Variants in SMDT1 observed in about 807,000 individuals in gnomAD.
SMDT1 encodes essential MCU regulator, mitochondrial.
A neutral mutation model predicts 5.9 loss-of-function variants in SMDT1; 6 were observed. The observed-to-expected ratio is 1.03, with a 90% CI of 0.56 to 2.02. The LOEUF is 2.02. Ranked by LOEUF, SMDT1 falls within the 30% of genes most tolerant of loss-of-function variation. SMDT1 has a pLI of 0.00. For missense variants in SMDT1, 159 were observed against 145.6 expected, an observed-to-expected ratio of 1.09 and a Z score of -0.47; for synonymous variants, 81 against 62.4, an observed-to-expected ratio of 1.30 and a Z score of -1.40.
rs1029083638 is a variant in SMDT1, at chr22:42,084,006, T to C, written c.*891T>C. 3 of 152,194 alleles carry C rather than the reference T, an allele frequency of 2.0e-5. No individual in the cohort carries two copies. Among genetic ancestry groups the C allele is most frequent in the Non-Finnish European group, 4.4e-5 (3 of 68,046 alleles). The allele number at this position is 152,194 out of a possible 1,614,324, so 9.4% of individuals were successfully genotyped here. A position where few individuals can be genotyped will look rare whatever the true frequency, so the allele number is the denominator to read the frequency against. ...GAGAGGAAGAAATGTAGACAGGCCT[T>C]GTTGGACTTCCCCACTCCATCTGTA... On this transcript the variant is annotated 3_prime_UTR_variant, in exon 3 of 3. Transcript: ENST00000331479.
chr22:42,080,303 T>C (rs118142571), intron 1 of SMDT1, among the ~76,000 whole-genome samples: 15 of 152,174 alleles, frequency 9.9e-5, no homozygotes, highest in Non-Finnish European at 2.9e-5. Context: ...TGGGATGAAA[T>C]ATGAATTTTG....
At chr22:42,081,604 G>A (rs1927788575) in intron 1 of SMDT1, among the ~76,000 whole-genome samples, 1 of 151,790 alleles carries the variant, frequency 6.6e-6, no homozygotes, top group Non-Finnish European at 1.5e-5. Context: ...GGGATTACAG[G>A]TGCGCACCAC....
rs1045896413 is a variant in SMDT1 at position 42,083,171 on chromosome 22, T to G, written c.*56T>G. ...TGAAGAAATGGTGATGCTCTCAGTTTCTCTGCCTTCCCTATCAGCAGAAAG... is the reference window on the plus strand; with the variant it reads ...TGAAGAAATGGTGATGCTCTCAGTTGCTCTGCCTTCCCTATCAGCAGAAAG... On this transcript the variant is annotated 3_prime_UTR_variant, in exon 3 of 3. Coordinates refer to ENST00000331479, the MANE Select transcript of SMDT1 (RefSeq NM_033318.5). 6.6e-6 allele frequency: 1 copy of G among 152,598 alleles called. No homozygotes were observed. Among genetic ancestry groups the G allele is most frequent in the Admixed American group, 6.5e-5 (1 of 15,274 alleles). The allele number at this position is 152,598 out of a possible 1,614,324, so 9.5% of individuals were successfully genotyped here.
rs1375133989 is a variant in SMDT1 at position 42,083,311 on chromosome 22, CACAA to C, written c.*201_*204del. 105 of 152,700 alleles carry C rather than the reference CACAA, an allele frequency of 6.9e-4. No individual in the cohort carries two copies. The highest frequency in any genetic ancestry group is 4.6e-4 in the Non-Finnish European group (31 of 68,034). 9.5% of individuals were successfully genotyped at this position (152,700 alleles called of 1,614,324 possible). Reference sequence around the variant, plus strand: ...GAGATGTGCTGTCCACTAAGCACTGCACAAACAAGCAATCAAATTATGAATAAAC... The same window carrying C: ...GAGATGTGCTGTCCACTAAGCACTGCACAAGCAATCAAATTATGAATAAAC... On this transcript the variant is annotated 3_prime_UTR_variant, in exon 3 of 3. Coordinates refer to ENST00000331479, the MANE Select transcript of SMDT1 (RefSeq NM_033318.5).
chr22:42,080,673 C>A (rs554132118), intron 1 of SMDT1, among the ~76,000 whole-genome samples: 1 of 152,280 alleles, frequency 6.6e-6, no homozygotes, highest in Admixed American at 6.5e-5. Flanking sequence ...AAAACAAATT[C>A]TCTTAAAGCT....
chr22:42,079,767 G>A lies in SMDT1; in HGVS notation c.-2G>A, dbSNP rs747295100. ...GCCCGGGTGAGGGGCGGAGCTGGGG[G>A]CATGGCGTCCGGAGCGGCTCGCTGG... is the stretch of plus-strand genomic sequence containing the variant. On this transcript the variant is annotated 5_prime_UTR_variant, in exon 1 of 3. Transcript: ENST00000331479. 1.2e-6 allele frequency: 2 copies of A among 1,604,782 alleles called. No homozygotes were observed. Among genetic ancestry groups the A allele is most frequent in the Non-Finnish European group, 1.7e-6 (2 of 1,177,808 alleles).
chr22:42,081,783 T>A, intron 1 of SMDT1, 142 bp from the exon 2 acceptor site: 1 of 958,340 alleles, frequency 1.0e-6, no homozygotes, highest in Non-Finnish European at 1.5e-6. Flanking sequence ...TAATTACTTT[T>A]CTTGCCCTGA....
chr22:42,081,974 A>T lies in SMDT1; in HGVS notation c.236A>T (p.Tyr79Phe). 1 of 1,613,962 alleles carries T rather than the reference A, an allele frequency of 6.2e-7. No homozygotes were observed. The change falls in exon 2 of 3, where the codon TAT becomes TTT. Residue 79 changes from tyrosine to phenylalanine, a missense_variant. Transcript: ENST00000331479. ...RVFSIVIPFL[Y>F]VGTLISKNFA... is the part of the protein sequence containing the mutation. The stretch of plus-strand genomic sequence containing the variant: ...TTCTCCATTGTGATCCCCTTTCTCT[A>T]TGTCGGGACACTCATTAGCAAGAAC...
chr22:42,081,327 G>C (rs777080300), intron 1 of SMDT1, among the ~76,000 whole-genome samples: 1 of 151,910 alleles, frequency 6.6e-6, no homozygotes, highest in Non-Finnish European at 1.5e-5. Context: ...CACCACACCC[G>C]GCTAATTTTT....
intron 1 of SMDT1, among the ~76,000 whole-genome samples, chr22:42,080,305 T>C (rs548877441): frequency 2.0e-5 from 3 of 152,288 alleles, no homozygotes; most frequent in East Asian, 1.9e-4. Context: ...GGATGAAATA[T>C]GAATTTTGAA....
rs1927590058 is a variant in SMDT1 at position 42,079,706 on chromosome 22, G to A, written c.-63G>A. 3 of 1,527,066 alleles carry A rather than the reference G, an allele frequency of 2.0e-6. No individual in the cohort carries two copies. Among genetic ancestry groups the A allele is most frequent in the African/African-American group, 1.4e-5 (1 of 72,860 alleles). 94.6% of individuals were successfully genotyped at this position (1,527,066 alleles called of 1,614,324 possible). On this transcript the variant is annotated 5_prime_UTR_variant, in exon 1 of 3. Coordinates refer to ENST00000331479, the MANE Select transcript of SMDT1 (RefSeq NM_033318.5). ...CGAGGCTTCGGGCGGCTTTCTTCCC[G>A]AGGGCGGCACGAGGGCTGGGCGGTG... is the stretch of plus-strand genomic sequence containing the variant.
At chr22:42,082,460 C>T (rs1927861382) in intron 2 of SMDT1, among the ~76,000 whole-genome samples, 1 of 152,208 alleles carries the variant, frequency 6.6e-6, no homozygotes, top group African/African-American at 2.4e-5. Context: ...CTTGGCCTCC[C>T]AAAGTGCTGT....
chr22:42,079,773 C>T lies in SMDT1; in HGVS notation c.5C>T (p.Ala2Val). Reference protein sequence around the residue: MASGAARWLVLA... With the variant: MVSGAARWLVLA... ...GTGAGGGGCGGAGCTGGGGGCATGGCGTCCGGAGCGGCTCGCTGGCTAGTA... is the reference window on the plus strand; with the variant it reads ...GTGAGGGGCGGAGCTGGGGGCATGGTGTCCGGAGCGGCTCGCTGGCTAGTA... The change falls in exon 1 of 3, where the codon GCG becomes GTG. Residue 2 changes from alanine to valine, a missense_variant. Coordinates refer to ENST00000331479, the MANE Select transcript of SMDT1 (RefSeq NM_033318.5). The T allele has an allele frequency of 2.5e-6, 4 of 1,605,866 alleles. No individual in the cohort carries two copies. Among genetic ancestry groups the T allele is most frequent in the Non-Finnish European group, 3.4e-6 (4 of 1,177,890 alleles).
intron 2 of SMDT1, 140 bp from the exon 3 acceptor site, chr22:42,082,979 A>G (rs1927897978): frequency 6.6e-6 from 1 of 152,228 alleles, no homozygotes; most frequent in Admixed American, 6.5e-5. Flanking sequence ...TGCCCAGTTA[A>G]CGTGCGCATG....
chr22:42,083,584 C>G lies in SMDT1; in HGVS notation c.*469C>G, dbSNP rs1193346127. ...AGAAAGCTTCATGGGCTAACTAAAG[C>G]CTCATGCCATTCTGTGTTCAGTGCC... On this transcript the variant is annotated 3_prime_UTR_variant, in exon 3 of 3. Coordinates refer to ENST00000331479, the MANE Select transcript of SMDT1 (RefSeq NM_033318.5). The G allele has an allele frequency of 1.3e-5, 2 of 152,168 alleles. No individual in the cohort carries two copies. Among genetic ancestry groups the G allele is most frequent in the African/African-American group, 4.8e-5 (2 of 41,442 alleles). The allele number at this position is 152,168 out of a possible 1,614,324, so 9.4% of individuals were successfully genotyped here.
At chr22:42,080,036 G>T in intron 1 of SMDT1, 82 bp downstream of exon 1, 1 of 1,406,132 alleles carries the variant, frequency 7.1e-7, no homozygotes. Context: ...TGATTGATAG[G>T]AGCCAAGGCC....
chr22:42,079,935 T>C lies in SMDT1; in HGVS notation c.167T>C (p.Ile56Thr). ...RSVIVTRSGA[I>T]LPKPVKMSFG... ...GTCATCGTTACCCGCAGCGGCGCCATTTTGCCCAAACCGGTGAAAGTGAGT... is the reference window on the plus strand; with the variant it reads ...GTCATCGTTACCCGCAGCGGCGCCACTTTGCCCAAACCGGTGAAAGTGAGT... The change falls in exon 1 of 3, where the codon ATT becomes ACT. Residue 56 changes from isoleucine to threonine, a missense_variant. Physicochemically the swap from Ile to Thr is moderately conservative, Grantham distance 89. Coordinates refer to ENST00000331479, the MANE Select transcript of SMDT1 (RefSeq NM_033318.5). 1.2e-6 allele frequency: 2 copies of C among 1,612,456 alleles called. No homozygotes were observed. The highest frequency in any genetic ancestry group is 1.7e-6 in the Non-Finnish European group (2 of 1,179,010).
At position 42,081,924 on chromosome 22, in the gene SMDT1, G is replaced by C. The variant is rs142612046; in HGVS notation, c.187-1G>C. ...ACAGCTGCCACTCTGACCCTCTGCAGATGTCCTTCGGCCTTCTCCGTGTGT... is the reference window on the plus strand; with the variant it reads ...ACAGCTGCCACTCTGACCCTCTGCACATGTCCTTCGGCCTTCTCCGTGTGT... On this transcript the variant is annotated splice_acceptor_variant, in intron 1 of 2. Coordinates refer to ENST00000331479, the MANE Select transcript of SMDT1 (RefSeq NM_033318.5). LOFTEE classifies it high-confidence loss of function. The C allele has an allele frequency of 6.2e-6, 10 of 1,613,960 alleles. No homozygotes were observed. The highest frequency in any genetic ancestry group is 8.5e-6 in the Non-Finnish European group (10 of 1,180,022).
In SMDT1 at chr22:42,083,825, CCTG is replaced by C. The variant is rs2146865920; in HGVS notation, c.*716_*718del. 6.6e-6 allele frequency: 1 copy of C among 152,294 alleles called. No homozygotes were observed. The highest frequency in any genetic ancestry group is 6.5e-5 in the Admixed American group (1 of 15,300). 9.4% of individuals were successfully genotyped at this position (152,294 alleles called of 1,614,324 possible). A position where few individuals can be genotyped will look rare whatever the true frequency, so the allele number is the denominator to read the frequency against. ...CAGATCTTCTCCTGACCTCCTTTCA[CCTG>C]CTGCTTTTTCTCCCCAAGGCAGGCC... On this transcript the variant is annotated 3_prime_UTR_variant, in exon 3 of 3. Transcript: ENST00000331479.
Sources: gnomAD v4.1 joint callset for allele counts (sites outside exome capture counted in the v4.1 genomes callset) on GRCh38, gnomAD v4.1.1 for gene constraint, MANE v1.5 for transcripts, NCBI Gene and HGNC (gene_info 2026-07-23, HGNC 2026-07-21) for gene names.